GPR158: variants seen among roughly 807,000 people sequenced by gnomAD.
GPR158 encodes metabotropic glycine receptor.
A neutral mutation model predicts 78.2 loss-of-function variants in GPR158; 30 were observed. The ratio of observed to expected loss-of-function variants is 0.38; its 90% CI spans 0.29 to 0.52. The LOEUF (loss-of-function observed/expected upper bound fraction) is 0.52, where lower values mean the gene tolerates loss of function less well. Among genes scored for constraint, GPR158 ranks in the 20% least tolerant of loss-of-function variants. The pLI, the probability that GPR158 is intolerant of heterozygous loss-of-function variation, is 0.83. For missense variants in GPR158, 1,463 were observed against 1,523.5 expected (o/e 0.96, Z 0.66); for synonymous variants, 581 against 591.1 (o/e 0.98, Z 0.25).
chr10:25,287,288 G>T (rs977924834), intron 2 of GPR158, among the ~76,000 whole-genome samples: 2 of 151,918 alleles, frequency 1.3e-5, no homozygotes, highest in African/African-American at 4.8e-5. Flanking sequence ...GTGCCCTAAG[G>T]GTGCACATCT....
chr10:25,325,849 C>T (rs1028606768), intron 2 of GPR158, among the ~76,000 whole-genome samples: 4 of 151,344 alleles, frequency 2.6e-5, no homozygotes, highest in Admixed American at 6.6e-5. Context: ...TTTGCATTTC[C>T]CTGATGGTTA....
At chr10:25,244,442 A>G (rs567480331) in intron 2 of GPR158, 106 of 152,362 alleles carry the variant, frequency 7.0e-4, no homozygotes, top group African/African-American at 2.4e-3. Context: ...TAACAACTCT[A>G]TAGTGCTACC....
chr10:25,496,533 G>A (rs1006091787), intron 5 of GPR158, among the ~76,000 whole-genome samples: 3 of 152,200 alleles, frequency 2.0e-5, no homozygotes, highest in Non-Finnish European at 1.5e-5. Context: ...TTTAAAGTTA[G>A]TAGAAATCCT....
intron 2 of GPR158, among the ~76,000 whole-genome samples, chr10:25,326,557 C>T (rs1395427613): frequency 6.6e-6 from 1 of 152,010 alleles, no homozygotes; most frequent in Non-Finnish European, 1.5e-5. Context: ...TCTTTAAATA[C>T]TTGAACTCAT....
chr10:25,231,990 G>A (rs1393443661), intron 2 of GPR158, among the ~76,000 whole-genome samples: 1 of 152,118 alleles, frequency 6.6e-6, no homozygotes, highest in Non-Finnish European at 1.5e-5. Context: ...CGAGAGAATT[G>A]ACTTGCATAC....
At chr10:25,325,533 G>T (rs185351083) in intron 2 of GPR158, among the ~76,000 whole-genome samples, 2 of 151,974 alleles carry the variant, frequency 1.3e-5, no homozygotes. Context: ...GGATACTTAG[G>T]TTGATTCCAT....
intron 3 of GPR158, among the ~76,000 whole-genome samples, chr10:25,396,821 C>T (rs1834368269): frequency 6.6e-6 from 1 of 152,162 alleles, no homozygotes; most frequent in Non-Finnish European, 1.5e-5. Flanking sequence ...AAAGGTCTCA[C>T]TTGGGTGTGA....
intron 1 of GPR158, among the ~76,000 whole-genome samples, chr10:25,182,941 G>A (rs1241668518): frequency 6.6e-6 from 1 of 152,152 alleles, no homozygotes; most frequent in African/African-American, 2.4e-5. Context: ...GCTGTTATGT[G>A]CAAATAGGCA....
At chr10:25,322,629 G>T (rs1202615995) in intron 2 of GPR158, among the ~76,000 whole-genome samples, 2 of 152,142 alleles carry the variant, frequency 1.3e-5, no homozygotes, top group Non-Finnish European at 2.9e-5. Flanking sequence ...TTCATAAGAG[G>T]AATCATTATC....
intron 1 of GPR158, among the ~76,000 whole-genome samples, chr10:25,195,352 T>C (rs2130647814): frequency 6.6e-6 from 1 of 152,140 alleles, no homozygotes; most frequent in Admixed American, 6.5e-5. Context: ...ACTACAGGCA[T>C]GCACCACCAC....
intron 2 of GPR158, among the ~76,000 whole-genome samples, chr10:25,360,351 C>T (rs1855616577): frequency 6.6e-6 from 1 of 151,326 alleles, no homozygotes; most frequent in Non-Finnish European, 1.5e-5. Flanking sequence ...ATGGTATTGC[C>T]TAGGTTTTCT....
intron 3 of GPR158, among the ~76,000 whole-genome samples, chr10:25,401,763 A>T (rs1025737830): frequency 2.0e-5 from 3 of 152,242 alleles, no homozygotes; most frequent in Admixed American, 2.0e-4. Context: ...CTGAAACTTC[A>T]CTTACCAACA....
intron 1 of GPR158, among the ~76,000 whole-genome samples, chr10:25,178,379 C>A (rs1268561248): frequency 6.6e-6 from 1 of 152,070 alleles, no homozygotes; most frequent in East Asian, 1.9e-4. Flanking sequence ...TTTCAAGGGC[C>A]GCTGTGGAAC....
intron 7 of GPR158, among the ~76,000 whole-genome samples, chr10:25,584,750 A>G (rs1837245311): frequency 6.6e-6 from 1 of 152,248 alleles, no homozygotes; most frequent in Non-Finnish European, 1.5e-5. Context: ...AACACAGTTA[A>G]TGATGCCAGT....
intron 2 of GPR158, among the ~76,000 whole-genome samples, chr10:25,258,026 G>T (rs1853914562): frequency 6.6e-6 from 1 of 152,110 alleles, no homozygotes; most frequent in African/African-American, 2.4e-5. Context: ...TGATTCCAAG[G>T]CTATACACTG....
At chr10:25,205,499 CT>C (rs1436060112) in intron 1 of GPR158, among the ~76,000 whole-genome samples, 113 of 151,892 alleles carry the variant, frequency 7.4e-4, no homozygotes, top group African/African-American at 2.5e-3. Flanking sequence ...TCTCTAGTTC[CT>C]TTATGTGTGA....
At position 25,395,947 on chromosome 10, in the gene GPR158, G is replaced by A. The variant is rs761783401; in HGVS notation, c.1045G>A (p.Ala349Thr). Residue 349 changes from alanine to threonine, a missense_variant, in exon 3 of 11, where the codon GCC (alanine) becomes ACC (threonine). Coordinates refer to ENST00000376351, the MANE Select transcript of GPR158 (RefSeq NM_020752.3). Reference protein sequence around the residue: ...PIKGLGFVLGAYECICKAGFY... With the variant: ...PIKGLGFVLGTYECICKAGFY... ...TAAAGGCCTAGGATTCGTTCTTGGAGCCTATGAGTGCATTTGCAAAGCAGG... is the reference window on the plus strand; with the variant it reads ...TAAAGGCCTAGGATTCGTTCTTGGAACCTATGAGTGCATTTGCAAAGCAGG... 3.0e-5 allele frequency: 49 copies of A among 1,608,214 alleles called. No individual in the cohort carries two copies. The East Asian group carries it at 9.2e-4, about 30-fold the overall frequency.
chr10:25,203,050 C>T (rs1350945884), intron 1 of GPR158, among the ~76,000 whole-genome samples: 1 of 152,148 alleles, frequency 6.6e-6, no homozygotes, highest in Non-Finnish European at 1.5e-5. Context: ...GCATAAATGT[C>T]TTCTTTTGAG....
At chr10:25,361,577 T>A (rs918971400) in intron 2 of GPR158, among the ~76,000 whole-genome samples, 6 of 151,994 alleles carry the variant, frequency 3.9e-5, no homozygotes, top group African/African-American at 1.4e-4. Flanking sequence ...TACCAATTTT[T>A]CCACATTCTC....
Sources: gnomAD v4.1 joint callset for allele counts (sites outside exome capture counted in the v4.1 genomes callset) on GRCh38, gnomAD v4.1.1 for gene constraint, MANE v1.5 for transcripts, NCBI Gene and HGNC (gene_info 2026-07-23, HGNC 2026-07-21) for gene names.